The following OTUD7B variants were observed in gnomAD, a reference collection of about 807,000 sequenced individuals.
OTUD7B encodes the protein OTU domain-containing protein 7B.
In OTUD7B, 34 loss-of-function variants were observed where a neutral mutation model predicts 82.2. That is an observed-to-expected ratio of 0.41 (90% CI 0.31 to 0.55). OTUD7B has a LOEUF of 0.55. Ranked by LOEUF, OTUD7B falls within the 20% of genes least tolerant of loss-of-function variation. The pLI, the probability that OTUD7B is intolerant of heterozygous loss-of-function variation, is 0.20. For missense variants in OTUD7B, 944 were observed against 1,062.1 expected, an observed-to-expected ratio of 0.89 and a Z score of 1.55; for synonymous variants, 398 against 402.7, an observed-to-expected ratio of 0.99 and a Z score of 0.14.
the OTUD7B span, among the ~76,000 whole-genome samples, chr1:150,016,412 G>A: frequency 6.8e-6 from 1 of 147,774 alleles, no homozygotes; most frequent in Admixed American, 6.7e-5. Context: ...AAAAAGCCCT[G>A]ATTTGTAACA....
At chr1:149,980,043 A>G (rs1650608061) in intron 1 of OTUD7B, among the ~76,000 whole-genome samples, 2 of 152,034 alleles carry the variant, frequency 1.3e-5, no homozygotes, top group Non-Finnish European at 2.9e-5. Flanking sequence ...CAAAAAGGAA[A>G]AGAGTTGACT....
chr1:150,040,190 T>C, the OTUD7B span, among the ~76,000 whole-genome samples: 9 of 152,226 alleles, frequency 5.9e-5, no homozygotes, highest in Non-Finnish European at 1.2e-4. Context: ...TTAAATTTTA[T>C]CAATAGGGTT....
the OTUD7B span, among the ~76,000 whole-genome samples, chr1:150,017,375 A>G: frequency 3.4e-4 from 52 of 152,336 alleles, no homozygotes; most frequent in African/African-American, 1.2e-3. Flanking sequence ...TGTTTCTAGT[A>G]TGGTCCTGAC....
rs782102465 is a variant in OTUD7B, at chr1:149,944,407, G to A, written c.1982C>T (p.Pro661Leu). 2.5e-6 allele frequency: 4 copies of A among 1,614,038 alleles called. No individual in the cohort carries two copies. The South Asian group carries it at 4.4e-5, about 18-fold the overall frequency. ...TGGCTCTGGCTTTTTGGCTGGAGGA[G>A]GGCCACCCCCTATTCCTCCATTCAT... ...KIMNGGIGGG[P>L]PPAKKPEPDA... is the part of the protein sequence containing the mutation. Residue 661 changes from proline (P) to leucine (L), a missense_variant, in exon 12 of 12, where the codon CCT (proline) becomes CTT (leucine). This residue lies in a region of OTUD7B where 412 missense variants were observed against 418.7 expected (regional missense o/e 0.98). Coordinates refer to ENST00000581312, the MANE Select transcript of OTUD7B (RefSeq NM_020205.4).
chr1:149,998,449 TA>T (rs1258547383), intron 1 of OTUD7B, among the ~76,000 whole-genome samples: 3 of 152,214 alleles, frequency 2.0e-5, no homozygotes, highest in Admixed American at 6.5e-5. Context: ...CCCTCCTAGG[TA>T]AAACACTGTG....
rs1179631848 is a variant in OTUD7B at position 149,950,941 on chromosome 1, G to A, written c.846-720C>T. On this transcript the variant is annotated intron_variant, in intron 7 of 11. Transcript: ENST00000581312. ...CGAGTAGCCGGGACTACAGGCACCCGCCACCTCGCCCGGTCTAATTTTTTG... is the reference window on the plus strand; with the variant it reads ...CGAGTAGCCGGGACTACAGGCACCCACCACCTCGCCCGGTCTAATTTTTTG... 2.8e-4 allele frequency among the ~76,000 whole-genome samples: 24 copies of A among 87,260 alleles called. No individual in the cohort carries two copies. In the East Asian group the frequency reaches 4.1e-3, roughly 15 times the overall value. 57.2% of individuals were successfully genotyped at this position (87,260 alleles called of 152,430 possible). A position where few individuals can be genotyped will look rare whatever the true frequency, so the allele number is the denominator to read the frequency against.
At chr1:150,047,520 T>C in the OTUD7B span, among the ~76,000 whole-genome samples, 1 of 152,188 alleles carries the variant, frequency 6.6e-6, no homozygotes, top group East Asian at 1.9e-4. Flanking sequence ...AATCCCATAT[T>C]TCCATGGCTA....
the OTUD7B span, among the ~76,000 whole-genome samples, chr1:150,049,631 TTC>T: frequency 1.2e-3 from 54 of 44,882 alleles, no homozygotes; most frequent in African/African-American, 4.6e-3. Context: ...CTCTCTCTCT[TTC>T]TTTTTTTTTT....
At chr1:150,005,002 A>G (rs1253058210) in intron 1 of OTUD7B, among the ~76,000 whole-genome samples, 4 of 152,064 alleles carry the variant, frequency 2.6e-5, no homozygotes, top group African/African-American at 7.3e-5. Flanking sequence ...AGCTGGGATT[A>G]CAGGCGTGAG....
chr1:149,980,948 G>C (rs782569601), intron 1 of OTUD7B, among the ~76,000 whole-genome samples: 5 of 150,698 alleles, frequency 3.3e-5, no homozygotes, highest in Non-Finnish European at 7.4e-5. Flanking sequence ...GGGAGGTCAA[G>C]GCTATATAGT....
At chr1:150,061,676 G>C in the OTUD7B span, among the ~76,000 whole-genome samples, 1 of 152,194 alleles carries the variant, frequency 6.6e-6, no homozygotes, top group Non-Finnish European at 1.5e-5. Flanking sequence ...CCCAAGACCT[G>C]CTTGGCTACT....
the OTUD7B span, among the ~76,000 whole-genome samples, chr1:150,019,603 T>A: frequency 6.6e-6 from 1 of 152,170 alleles, no homozygotes; most frequent in Non-Finnish European, 1.5e-5. Context: ...CTGAACTCGG[T>A]GATCCACCCA....
chr1:150,011,285 C>A (rs1553787331), upstream of OTUD7B, among the ~76,000 whole-genome samples: 1 of 152,100 alleles, frequency 6.6e-6, no homozygotes, highest in African/African-American at 2.4e-5. Flanking sequence ...AGACTGCTAA[C>A]AGTAAAAAAA....
intron 1 of OTUD7B, among the ~76,000 whole-genome samples, chr1:150,007,286 A>G (rs1466564639): frequency 7.2e-5 from 11 of 152,222 alleles, no homozygotes; most frequent in Non-Finnish European, 1.2e-4. Context: ...ATGGTAAAAA[A>G]TAGCCGCAAG....
intron 2 of OTUD7B, among the ~76,000 whole-genome samples, 175 bp from the exon 3 acceptor site, chr1:149,971,426 TTTAC>T (rs1553777674): frequency 1.3e-5 from 2 of 152,204 alleles, no homozygotes; most frequent in Non-Finnish European, 2.9e-5. Flanking sequence ...ATCAAATGTC[TTTAC>T]TTACTTATTT....
chr1:149,953,077 T>G (rs1648386704), intron 7 of OTUD7B, among the ~76,000 whole-genome samples: 1 of 152,242 alleles, frequency 6.6e-6, no homozygotes, highest in African/African-American at 2.4e-5. Flanking sequence ...CTATTTTGGC[T>G]TTTGTTGCCA....
chr1:149,984,937 T>C (rs868976112), intron 1 of OTUD7B, among the ~76,000 whole-genome samples: 1 of 152,184 alleles, frequency 6.6e-6, no homozygotes. Context: ...TCTCAGGTTT[T>C]CATAACCTGC....
chr1:150,041,992 T>C, the OTUD7B span, among the ~76,000 whole-genome samples: 2 of 152,152 alleles, frequency 1.3e-5, no homozygotes, highest in Admixed American at 1.3e-4. Context: ...TTCAGTATTG[T>C]CTTTAATTTC....
At chr1:149,982,554 G>A (rs906896239) in intron 1 of OTUD7B, among the ~76,000 whole-genome samples, 1 of 151,912 alleles carries the variant, frequency 6.6e-6, no homozygotes, top group Non-Finnish European at 1.5e-5. Flanking sequence ...CCACCCCCCA[G>A]GCTCAGGCAG....
Sources: gnomAD v4.1 joint callset for allele counts (sites outside exome capture counted in the v4.1 genomes callset) on GRCh38, gnomAD v4.1.1 for gene constraint, gnomAD v4.1.1 regional missense constraint, MANE v1.5 for transcripts, NCBI Gene and HGNC (gene_info 2026-07-23, HGNC 2026-07-21) for gene names.